The following FBXO16 variants were observed in gnomAD, a reference collection of about 807,000 sequenced individuals.
FBXO16 encodes F-box protein 16.
FBXO16 carries 31 observed loss-of-function variants against 41.0 expected under a neutral mutation model. That is an observed-to-expected ratio of 0.76 (90% CI 0.57 to 1.02). FBXO16 has a LOEUF of 1.02. FBXO16 is among the 50% of genes least tolerant of loss of function. FBXO16 has a pLI of 0.00. For missense variants in FBXO16, 361 were observed against 346.2 expected, an observed-to-expected ratio of 1.04 and a Z score of -0.34; for synonymous variants, 133 against 117.8, an observed-to-expected ratio of 1.13 and a Z score of -0.84.
chr8:28,487,940 C>T (rs1026493564), intron 1 of FBXO16, among the ~76,000 whole-genome samples: 1 of 151,908 alleles, frequency 6.6e-6, no homozygotes, highest in Non-Finnish European at 1.5e-5. Flanking sequence ...ACAACCTCCG[C>T]CTCCCAGGTT....
chr8:28,446,488 G>A (rs946374600), intron 7 of FBXO16, among the ~76,000 whole-genome samples: 3 of 151,486 alleles, frequency 2.0e-5, no homozygotes, highest in African/African-American at 7.3e-5. Flanking sequence ...GCACTTAGAT[G>A]AGGAGAACCT....
At chr8:28,477,705 C>T (rs904185908) in intron 2 of FBXO16, among the ~76,000 whole-genome samples, 1 of 152,168 alleles carries the variant, frequency 6.6e-6, no homozygotes, top group Non-Finnish European at 1.5e-5. Flanking sequence ...CACCAACACC[C>T]ATATAACTCT....
intron 7 of FBXO16, among the ~76,000 whole-genome samples, chr8:28,442,361 A>G (rs1231959645): frequency 2.0e-5 from 3 of 151,824 alleles, no homozygotes; most frequent in African/African-American, 7.3e-5. Context: ...AAGGATTAGC[A>G]ATCAGGTCTA....
intron 7 of FBXO16, among the ~76,000 whole-genome samples, chr8:28,441,666 G>A (rs1254773829): frequency 1.3e-5 from 2 of 150,670 alleles, no homozygotes; most frequent in Non-Finnish European, 3.0e-5. Context: ...AACCTGGGAG[G>A]TGGAGGTTGC....
chr8:28,432,040 T>C (rs1462932098), intron 7 of FBXO16, among the ~76,000 whole-genome samples: 2 of 152,138 alleles, frequency 1.3e-5, no homozygotes, highest in African/African-American at 4.8e-5. Context: ...GCAAATGTAC[T>C]GTCCCCCTTT....
intron 7 of FBXO16, among the ~76,000 whole-genome samples, 166 bp from the exon 8 acceptor site, chr8:28,429,569 G>A (rs974384057): frequency 8.6e-5 from 13 of 151,994 alleles, no homozygotes; most frequent in Admixed American, 3.3e-4. Context: ...CACAGATATC[G>A]TAGCCTCCCC....
chr8:28,463,170 TTG>T (rs964161863), intron 4 of FBXO16, among the ~76,000 whole-genome samples: 4 of 151,244 alleles, frequency 2.6e-5, no homozygotes, highest in Admixed American at 6.6e-5. Context: ...GTATGTGTGT[TTG>T]TGTGTGTATA....
Position 28,476,824 on chromosome 8 carries a change from C to T in FBXO16, c.100-3017G>A, listed in dbSNP as rs1006499973. Among the ~76,000 whole-genome samples, 4 of 152,024 alleles carry T rather than the reference C, an allele frequency of 2.6e-5. No homozygotes were observed. In the South Asian group the frequency reaches 8.3e-4, roughly 32 times the overall value. ...ACTGTACAACATGTGTGAACCATACCGTAAAAGAAATGTGGATCACTTTCC... is the reference window on the plus strand; with the variant it reads ...ACTGTACAACATGTGTGAACCATACTGTAAAAGAAATGTGGATCACTTTCC... On this transcript the variant is annotated intron_variant, in intron 2 of 8. Coordinates refer to ENST00000380254, the MANE Select transcript of FBXO16 (RefSeq NM_172366.4).
rs755301038 is a variant in FBXO16, at chr8:28,452,296, T to A, written c.688A>T (p.Ile230Phe). The A allele has an allele frequency of 1.9e-6, 3 of 1,614,066 alleles. No individual in the cohort carries two copies. The highest frequency in any genetic ancestry group is 2.5e-6 in the Non-Finnish European group (3 of 1,180,024). ...CGGTTGTCTAGGTAATTAAAACGAATGATATCTGTTGGGTGCTTATCAGAA... is the reference window on the plus strand; with the variant it reads ...CGGTTGTCTAGGTAATTAAAACGAAAGATATCTGTTGGGTGCTTATCAGAA... ...RSSDKHPTDI[I>F]RFNYLDNRDP... Residue 230 changes from isoleucine to phenylalanine, a missense_variant, in exon 6 of 9, where the codon ATT becomes TTT. Coordinates refer to ENST00000380254, the MANE Select transcript of FBXO16 (RefSeq NM_172366.4).
intron 7 of FBXO16, among the ~76,000 whole-genome samples, chr8:28,429,796 C>T (rs528521291): frequency 6.6e-6 from 1 of 152,310 alleles, no homozygotes; most frequent in Non-Finnish European, 1.5e-5. Flanking sequence ...AGCTAACGTG[C>T]TCCCTCTCAT....
Position 28,472,307 on chromosome 8 carries a change from C to T in FBXO16, c.135+1465G>A, listed in dbSNP as rs1005163149. Among the ~76,000 whole-genome samples the T allele has an allele frequency of 5.3e-5, 8 of 152,162 alleles. No homozygotes were observed. In the South Asian group the frequency reaches 1.2e-3, roughly 24 times the overall value. ...GATATGGGGTCTAACTGTTATGTTGCCCAGGCTAGTCTCAAACTCCCGGCC... is the reference window on the plus strand; with the variant it reads ...GATATGGGGTCTAACTGTTATGTTGTCCAGGCTAGTCTCAAACTCCCGGCC... On this transcript the variant is annotated intron_variant, in intron 3 of 8. Coordinates refer to ENST00000380254, the MANE Select transcript of FBXO16 (RefSeq NM_172366.4).
intron 7 of FBXO16, among the ~76,000 whole-genome samples, chr8:28,429,610 T>G (rs763742110): frequency 1.3e-4 from 20 of 151,614 alleles, no homozygotes; most frequent in Non-Finnish European, 2.4e-4. Flanking sequence ...TACTCCATAC[T>G]AAGCTGGCAA....
chr8:28,452,255 A>C lies in FBXO16; in HGVS notation c.729T>G (p.Thr243=). 2 of 1,614,154 alleles carry C rather than the reference A, an allele frequency of 1.2e-6. No homozygotes were observed. The part of the protein sequence containing the change: ...NYLDNRDPME[T]VQQGRRKRNQ... The stretch of plus-strand genomic sequence containing the variant: ...ATGGAGCTTCTTACCCTTGCTGGAC[A>C]GTCTCCATGGGGTCACGGTTGTCTA... The change falls in exon 6 of 9, where the codon ACT becomes ACG. Residue 243 remains threonine, a synonymous_variant. Coordinates refer to ENST00000380254, the MANE Select transcript of FBXO16 (RefSeq NM_172366.4).
chr8:28,461,083 C>CTTTT (rs60769796), intron 4 of FBXO16, among the ~76,000 whole-genome samples: 1 of 136,462 alleles, frequency 7.3e-6, no homozygotes. Context: ...TATACCTCTG[C>CTTTT]TTTTTTTTTT....
At chr8:28,474,476 G>A (rs1803392318) in intron 2 of FBXO16, among the ~76,000 whole-genome samples, 1 of 151,664 alleles carries the variant, frequency 6.6e-6, no homozygotes, top group African/African-American at 2.4e-5. Context: ...GAAAGGAGAT[G>A]AAAAAACTAA....
intron 7 of FBXO16, among the ~76,000 whole-genome samples, chr8:28,435,372 C>T (rs1406101718): frequency 1.3e-5 from 2 of 152,018 alleles, no homozygotes; most frequent in Non-Finnish European, 2.9e-5. Context: ...TGGGGTTTCA[C>T]CATGTTGGCC....
At position 28,428,572 on chromosome 8, in the gene FBXO16, T is replaced by C; in HGVS notation, c.*155A>G. On this transcript the variant is annotated 3_prime_UTR_variant, in exon 9 of 9. Transcript: ENST00000380254. The stretch of plus-strand genomic sequence containing the variant: ...AAGTCTTTCCATGTTCAGTCCACTT[T>C]GGCTCTGGAACCTGGATGAGTCATG... 1.9e-6 allele frequency: 3 copies of C among 1,550,500 alleles called. No homozygotes were observed. Among genetic ancestry groups the C allele is most frequent in the Non-Finnish European group, 2.6e-6 (3 of 1,146,914 alleles).
rs146425600 is a variant in FBXO16 at position 28,431,276 on chromosome 8, G to T, written c.844-1873C>A. Among the ~76,000 whole-genome samples, 583 of 152,152 alleles carry T rather than the reference G, an allele frequency of 3.8e-3. 3 individuals carry two copies. Among genetic ancestry groups the T allele is most frequent in the African/African-American group, 0.013 (530 of 41,510 alleles). On this transcript the variant is annotated intron_variant, in intron 7 of 8. Coordinates refer to ENST00000380254, the MANE Select transcript of FBXO16 (RefSeq NM_172366.4). Reference sequence around the variant, plus strand: ...ACCCATCCAGACTATGGCATTTCTCGTCCCTCCAAGATGGGCTGAGGGAAG... The same window carrying T: ...ACCCATCCAGACTATGGCATTTCTCTTCCCTCCAAGATGGGCTGAGGGAAG...
At chr8:28,455,181 T>C (rs900492354) in intron 5 of FBXO16, among the ~76,000 whole-genome samples, 7 of 151,920 alleles carry the variant, frequency 4.6e-5, no homozygotes, top group Non-Finnish European at 7.4e-5. Context: ...GTTCAAGTGA[T>C]CCTCCTGCCT....
Sources: gnomAD v4.1 joint callset for allele counts (sites outside exome capture counted in the v4.1 genomes callset) on GRCh38, gnomAD v4.1.1 for gene constraint, MANE v1.5 for transcripts, NCBI Gene and HGNC (gene_info 2026-07-23, HGNC 2026-07-21) for gene names.